The following FBXL17 variants were observed in gnomAD, a reference collection of about 807,000 sequenced individuals.
FBXL17 encodes the protein F-box and leucine rich repeat protein 17, also known as F-box/LRR-repeat protein 17.
FBXL17 carries 22 observed loss-of-function variants against 66.2 expected under a neutral mutation model. The observed-to-expected ratio is 0.33, with a 90% CI of 0.24 to 0.47. The LOEUF is 0.47. Ranked by LOEUF, FBXL17 falls within the 20% of genes least tolerant of loss-of-function variation. The pLI, the probability that FBXL17 is intolerant of heterozygous loss-of-function variation, is 1.00. For missense variants in FBXL17, 878 were observed against 948.2 expected, an observed-to-expected ratio of 0.93 and a Z score of 0.97; for synonymous variants, 474 against 400.5, an observed-to-expected ratio of 1.18 and a Z score of -2.19.
intron 4 of FBXL17, among the ~76,000 whole-genome samples, chr5:108,309,620 A>G (rs908110402): frequency 6.6e-6 from 1 of 152,076 alleles, no homozygotes; most frequent in Admixed American, 6.5e-5. Context: ...TTTATCTTAG[A>G]ATAAAGTTCA....
chr5:108,337,780 C>A (rs1204216489), intron 4 of FBXL17, among the ~76,000 whole-genome samples: 1 of 150,998 alleles, frequency 6.6e-6, no homozygotes, highest in Non-Finnish European at 1.5e-5. Flanking sequence ...CTACATATTT[C>A]TTAAATGATA....
Position 108,381,517 on chromosome 5 carries a change from A to C in FBXL17, c.175T>G (p.Cys59Gly). Reference protein sequence around the residue: ...RSRDCFFRGPCMLCFIVHSPG... With the variant: ...RSRDCFFRGPGMLCFIVHSPG... Reference sequence around the variant, plus strand: ...CTGTGCACGATGAAGCAGAGCATGCAGGGCCCGCGGAAGAAGCAGTCCCGG... The same window carrying C: ...CTGTGCACGATGAAGCAGAGCATGCCGGGCCCGCGGAAGAAGCAGTCCCGG... Residue 59 changes from cysteine (C) to glycine (G), a missense_variant, in exon 1 of 9, where the codon TGC becomes GGC. Cys to Gly is a radical substitution (Grantham distance 159, BLOSUM62 -3). Coordinates refer to ENST00000542267, the MANE Select transcript of FBXL17 (RefSeq NM_001163315.3). The C allele has an allele frequency of 7.1e-7, 1 of 1,411,264 alleles. No individual in the cohort carries two copies. Among genetic ancestry groups the C allele is most frequent in the Non-Finnish European group, 9.2e-7 (1 of 1,092,424 alleles). The allele number at this position is 1,411,264 out of a possible 1,614,324, so 87.4% of individuals were successfully genotyped here. A position where few individuals can be genotyped will look rare whatever the true frequency, so the allele number is the denominator to read the frequency against.
rs959192590 is a variant in FBXL17 at position 107,904,023 on chromosome 5, T to C, written c.1823-22844A>G. ...ATTTATGAGAATTACATTTTGACTT[T>C]GATATCTGCATAATTCATTACAAAA... On this transcript the variant is annotated intron_variant, in intron 7 of 8. Transcript: ENST00000542267. Among the ~76,000 whole-genome samples, 9 of 152,302 alleles carry C rather than the reference T, an allele frequency of 5.9e-5. No individual in the cohort carries two copies. The East Asian group carries it at 1.7e-3, about 29-fold the overall frequency.
intron 7 of FBXL17, among the ~76,000 whole-genome samples, chr5:107,961,465 C>T (rs1309643176): frequency 1.3e-5 from 2 of 151,968 alleles, no homozygotes; most frequent in East Asian, 1.9e-4. Context: ...TAGGCTCAAG[C>T]GATCTACCTG....
chr5:108,362,133 C>A (rs1748381561), intron 3 of FBXL17, among the ~76,000 whole-genome samples: 1 of 152,080 alleles, frequency 6.6e-6, no homozygotes, highest in Non-Finnish European at 1.5e-5. Context: ...GAGCTGCCTG[C>A]TCCAACATTT....
intron 4 of FBXL17, among the ~76,000 whole-genome samples, chr5:108,273,692 T>C (rs1045577784): frequency 6.6e-6 from 1 of 151,898 alleles, no homozygotes; most frequent in Non-Finnish European, 1.5e-5. Context: ...CCTAAGAGCA[T>C]CAGAGAAAGA....
intron 3 of FBXL17, among the ~76,000 whole-genome samples, chr5:108,358,926 G>A (rs1748169666): frequency 1.3e-5 from 2 of 151,738 alleles, no homozygotes; most frequent in South Asian, 2.1e-4. Flanking sequence ...TTGCTATATT[G>A]CCCTAGCTGG....
At chr5:108,137,400 G>T (rs914678354) in intron 6 of FBXL17, among the ~76,000 whole-genome samples, 1 of 152,014 alleles carries the variant, frequency 6.6e-6, no homozygotes, top group Non-Finnish European at 1.5e-5. Flanking sequence ...CTGCCTCTAC[G>T]TCATGGCATG....
At chr5:108,143,177 C>T (rs1299792639) in intron 6 of FBXL17, among the ~76,000 whole-genome samples, 1 of 151,828 alleles carries the variant, frequency 6.6e-6, no homozygotes, top group African/African-American at 2.4e-5. Flanking sequence ...CAAAACCAGT[C>T]CCTGGTGCCA....
chr5:108,260,552 C>T (rs1296802313), intron 4 of FBXL17, among the ~76,000 whole-genome samples: 13 of 152,118 alleles, frequency 8.5e-5, no homozygotes, highest in Non-Finnish European at 1.8e-4. Flanking sequence ...CAGGCAACAT[C>T]GTATTACAAG....
At chr5:108,196,578 G>A (rs913997658) in intron 5 of FBXL17, among the ~76,000 whole-genome samples, 3 of 152,150 alleles carry the variant, frequency 2.0e-5, no homozygotes, top group Non-Finnish European at 2.9e-5. Context: ...AGTACTAGGT[G>A]CATTAAAAAC....
At chr5:108,215,401 A>T (rs1405831406) in intron 5 of FBXL17, among the ~76,000 whole-genome samples, 2 of 152,178 alleles carry the variant, frequency 1.3e-5, no homozygotes, top group Non-Finnish European at 2.9e-5. Context: ...TATTACAACC[A>T]TCCTAGTAGG....
intron 7 of FBXL17, among the ~76,000 whole-genome samples, chr5:107,957,607 T>TA (rs1237247456): frequency 7.9e-5 from 12 of 152,150 alleles, no homozygotes; most frequent in Non-Finnish European, 1.6e-4. Context: ...TTGCAGCACA[T>TA]ACTATTTTTC....
chr5:108,186,631 G>A (rs1458511521), intron 5 of FBXL17, among the ~76,000 whole-genome samples: 3 of 151,950 alleles, frequency 2.0e-5, no homozygotes, highest in African/African-American at 4.8e-5. Context: ...TTAGCTGGGC[G>A]TAGTGGTGCA....
intron 7 of FBXL17, among the ~76,000 whole-genome samples, chr5:107,941,383 T>C (rs1447905899): frequency 6.6e-6 from 1 of 152,196 alleles, no homozygotes; most frequent in East Asian, 1.9e-4. Context: ...ATGGCTGACC[T>C]CTGCTGTGAC....
intron 7 of FBXL17, among the ~76,000 whole-genome samples, chr5:107,904,552 A>G (rs1484875681): frequency 6.6e-6 from 1 of 152,128 alleles, no homozygotes; most frequent in Non-Finnish European, 1.5e-5. Flanking sequence ...CATATTTAAA[A>G]GATGAAAAAC....
At chr5:107,969,300 G>A (rs934186468) in intron 7 of FBXL17, among the ~76,000 whole-genome samples, 7 of 151,980 alleles carry the variant, frequency 4.6e-5, no homozygotes, top group African/African-American at 1.2e-4. Flanking sequence ...GAAATTGTTC[G>A]TTTATGATTA....
intron 6 of FBXL17, among the ~76,000 whole-genome samples, chr5:108,142,322 A>C (rs1751381542): frequency 6.6e-6 from 1 of 152,166 alleles, no homozygotes; most frequent in Non-Finnish European, 1.5e-5. Flanking sequence ...ATTTTTTTCA[A>C]AGACTGTTTT....
chr5:108,321,536 T>C (rs1324786362), intron 4 of FBXL17, among the ~76,000 whole-genome samples: 6 of 151,924 alleles, frequency 3.9e-5, no homozygotes, highest in African/African-American at 9.7e-5. Context: ...CTGCACACTA[T>C]TGTCCTGAAC....
Sources: gnomAD v4.1 joint callset for allele counts (sites outside exome capture counted in the v4.1 genomes callset) on GRCh38, gnomAD v4.1.1 for gene constraint, MANE v1.5 for transcripts, NCBI Gene and HGNC (gene_info 2026-07-23, HGNC 2026-07-21) for gene names.